The following KCNH1 variants were observed in gnomAD, a reference collection of about 807,000 sequenced individuals.
KCNH1 encodes the protein potassium voltage-gated channel subfamily H member 1.
Under a neutral mutation model 69.2 loss-of-function variants are expected in KCNH1, and 27 were observed. That is an observed-to-expected ratio of 0.39 (90% confidence interval 0.29 to 0.54). The LOEUF (loss-of-function observed/expected upper bound fraction) is 0.54. KCNH1 is among the 20% of genes least tolerant of loss of function. The pLI is 0.68. For missense variants in KCNH1, 798 were observed against 1,261.6 expected (o/e 0.63, Z 5.57); for synonymous variants, 456 against 487.7 (o/e 0.93, Z 0.86).
intron 10 of KCNH1, among the ~76,000 whole-genome samples, chr1:210,773,606 C>G (rs1558463800): frequency 6.6e-6 from 1 of 152,210 alleles, no homozygotes; most frequent in South Asian, 2.1e-4. Flanking sequence ...TTTGCTCAAA[C>G]TGCCCCTCCC....
Position 211,001,621 on chromosome 1 carries a change from C to G in KCNH1, c.1032+17162G>C, listed in dbSNP as rs554779661. Among the ~76,000 whole-genome samples the G allele has an allele frequency of 2.6e-5, 4 of 152,232 alleles. No individual in the cohort carries two copies. The South Asian group carries it at 8.3e-4, about 32-fold the overall frequency. ...GTCAGTGTGGCGATTCCTCAGGGAT[C>G]TAGAACTAGAAATACCATTAGACCC... On this transcript the variant is annotated intron_variant, in intron 6 of 10. Coordinates refer to ENST00000271751, the MANE Select transcript of KCNH1 (RefSeq NM_172362.3).
chr1:210,960,767 T>G (rs547817328), intron 6 of KCNH1, among the ~76,000 whole-genome samples: 1 of 152,306 alleles, frequency 6.6e-6, no homozygotes, highest in East Asian at 1.9e-4. Context: ...CTTCAGTAAA[T>G]AAAAGTCAAG....
intron 9 of KCNH1, among the ~76,000 whole-genome samples, chr1:210,795,961 A>AC (rs879575789): frequency 0.18 from 23,182 of 127,976 alleles, 2,487 homozygotes; most frequent in Non-Finnish European, 0.26. Context: ...TCTCTACTAA[A>AC]AACACACACA....
At chr1:211,037,675 C>T (rs1255619548) in intron 5 of KCNH1, among the ~76,000 whole-genome samples, 2 of 152,194 alleles carry the variant, frequency 1.3e-5, no homozygotes, top group East Asian at 1.9e-4. Flanking sequence ...AAACCAGGCA[C>T]ATCGGCCAGA....
intron 6 of KCNH1, among the ~76,000 whole-genome samples, chr1:210,935,229 A>G (rs1017294640): frequency 6.6e-6 from 1 of 152,074 alleles, no homozygotes; most frequent in East Asian, 1.9e-4. Flanking sequence ...CAAATGGATG[A>G]GCCTGGAACA....
intron 7 of KCNH1, among the ~76,000 whole-genome samples, chr1:210,811,461 C>A (rs1330639898): frequency 6.6e-6 from 1 of 152,104 alleles, no homozygotes; most frequent in African/African-American, 2.4e-5. Context: ...ATGGGGTCTA[C>A]CAAGTCATTC....
chr1:211,001,938 C>T (rs1390928717), intron 6 of KCNH1, among the ~76,000 whole-genome samples: 1 of 150,976 alleles, frequency 6.6e-6, no homozygotes, highest in East Asian at 2.0e-4. Context: ...CACATGTTCT[C>T]ACTCATAGGT....
chr1:211,001,010 A>G (rs1689166740), intron 6 of KCNH1, among the ~76,000 whole-genome samples: 1 of 152,122 alleles, frequency 6.6e-6, no homozygotes, highest in Admixed American at 6.6e-5. Flanking sequence ...ATGAACATTA[A>G]TTCAAGATGG....
At chr1:210,921,314 A>G (rs1261994484) in intron 6 of KCNH1, among the ~76,000 whole-genome samples, 4 of 152,244 alleles carry the variant, frequency 2.6e-5, no homozygotes, top group Non-Finnish European at 5.9e-5. Context: ...TAAAACAGAC[A>G]TTTCTTCGAA....
chr1:210,789,928 G>T (rs916227102), intron 9 of KCNH1, among the ~76,000 whole-genome samples: 2 of 152,188 alleles, frequency 1.3e-5, no homozygotes, highest in African/African-American at 4.8e-5. Context: ...TAGAGACAGG[G>T]TCTTGCTATG....
At chr1:211,059,659 C>T (rs1382449455) in intron 5 of KCNH1, among the ~76,000 whole-genome samples, 1 of 150,918 alleles carries the variant, frequency 6.6e-6, no homozygotes, top group Non-Finnish European at 1.5e-5. Flanking sequence ...AGGAGAATGG[C>T]GTGAACCCGG....
chr1:210,852,999 G>A (rs1685741891), intron 7 of KCNH1, among the ~76,000 whole-genome samples: 1 of 152,082 alleles, frequency 6.6e-6, no homozygotes, highest in Non-Finnish European at 1.5e-5. Flanking sequence ...TTTCCATCAT[G>A]TGCTAGCTTT....
At position 211,004,628 on chromosome 1, in the gene KCNH1, A is replaced by G. The variant is rs1689245197; in HGVS notation, c.1032+14155T>C. Reference sequence around the variant, plus strand: ...AGTGAAACAACTAAGAGCAAATAGCAAGACAGAAGATAGAAACTAAGATAT... The same window carrying G: ...AGTGAAACAACTAAGAGCAAATAGCGAGACAGAAGATAGAAACTAAGATAT... On this transcript the variant is annotated intron_variant, in intron 6 of 10. Transcript: ENST00000271751. 1.3e-5 allele frequency among the ~76,000 whole-genome samples: 2 copies of G among 152,156 alleles called. 1 individual carries two copies. Among genetic ancestry groups the G allele is most frequent in the East Asian group, 3.8e-4 (2 of 5,198 alleles).
intron 7 of KCNH1, among the ~76,000 whole-genome samples, chr1:210,841,154 A>C (rs2102453097): frequency 6.6e-6 from 1 of 152,308 alleles, no homozygotes; most frequent in African/African-American, 2.4e-5. Flanking sequence ...ATACCCTTTA[A>C]CTATTTAAGG....
intron 7 of KCNH1, among the ~76,000 whole-genome samples, chr1:210,851,201 G>A (rs1378151758): frequency 6.6e-6 from 1 of 152,196 alleles, no homozygotes; most frequent in Non-Finnish European, 1.5e-5. Flanking sequence ...TGACTCCTGA[G>A]CCCAAGAAGC....
intron 10 of KCNH1, among the ~76,000 whole-genome samples, chr1:210,748,086 C>T (rs372205158): frequency 8.5e-5 from 13 of 152,162 alleles, no homozygotes; most frequent in South Asian, 2.1e-4. Context: ...ACTCTGTAGG[C>T]GGCACAGCTG....
At chr1:210,993,863 G>A (rs1278413737) in intron 6 of KCNH1, among the ~76,000 whole-genome samples, 1 of 151,988 alleles carries the variant, frequency 6.6e-6, no homozygotes, top group East Asian at 1.9e-4. Context: ...TGTGCTTCCT[G>A]ACAAAGTCAC....
At chr1:210,736,358 G>A (rs1473809253) in intron 10 of KCNH1, among the ~76,000 whole-genome samples, 1 of 152,186 alleles carries the variant, frequency 6.6e-6, no homozygotes, top group South Asian at 2.1e-4. Context: ...AGACCAGCCT[G>A]ACCAACAAGG....
chr1:211,112,501 T>TAAAAAAAAAAAAAA (rs74258707), intron 1 of KCNH1, among the ~76,000 whole-genome samples: 2 of 126,414 alleles, frequency 1.6e-5, no homozygotes, highest in Non-Finnish European at 1.8e-5. Flanking sequence ...ATTAAATAAA[T>TAAAAAAAAAAAAAA]AAAAAAAAAA....
Sources: allele counts gnomAD v4.1 joint callset (sites outside exome capture counted in the v4.1 genomes callset), GRCh38; gene constraint gnomAD v4.1.1; transcripts MANE v1.5; gene names NCBI Gene and HGNC (gene_info 2026-07-23, HGNC 2026-07-21).